METTL9: variants seen among roughly 807,000 people sequenced by gnomAD.
METTL9 encodes protein-L-histidine N-pros-methyltransferase.
A neutral mutation model predicts 36.0 loss-of-function variants in METTL9; 10 were observed. The observed-to-expected ratio is 0.28, with a 90% confidence interval of 0.17 to 0.47. METTL9 has a LOEUF of 0.47. Ranked by LOEUF, METTL9 falls within the 20% of genes least tolerant of loss-of-function variation. The pLI is 0.99. For synonymous variants in METTL9, 175 were observed against 149.7 expected (o/e 1.17, Z -1.23); for missense variants, 246 against 383.5 (o/e 0.64, Z 3.00).
chr16:21,655,495 T>G lies in METTL9; in HGVS notation c.*63T>G. 7.1e-7 allele frequency: 1 copy of G among 1,413,768 alleles called. No homozygotes were observed. The highest frequency in any genetic ancestry group is 9.8e-7 in the Non-Finnish European group (1 of 1,022,884). The allele number at this position is 1,413,768 out of a possible 1,614,324, so 87.6% of individuals were successfully genotyped here. A position where few individuals can be genotyped will look rare whatever the true frequency, so the allele number is the denominator to read the frequency against. ...CGGGATGTGCCCTTGGAAGAGGGTCTGTGTTCACAATTACGTGAAGGGAGG... is the reference window on the plus strand; with the variant it reads ...CGGGATGTGCCCTTGGAAGAGGGTCGGTGTTCACAATTACGTGAAGGGAGG... On this transcript the variant is annotated 3_prime_UTR_variant, in exon 5 of 5. Transcript: ENST00000358154.
Position 21,599,787 on chromosome 16 carries a change from G to T in METTL9, c.54G>T (p.Ala18=). ...TGAGCCTGGCGTCCGTGTGGCTGGC[G>T]CGGAGGATGTGGACGCTGCGGAGCC... ...LCLSLASVWL[A]RRMWTLRSPL... Residue 18 remains alanine (A), a synonymous_variant, in exon 1 of 5, where the codon GCG becomes GCT. Transcript: ENST00000358154. The surrounding 1 kb of genome is among the most constrained non-coding windows in gnomAD (Gnocchi z 4.4). 1 of 1,549,166 alleles carries T rather than the reference G, an allele frequency of 6.5e-7. No homozygotes were observed. The highest frequency in any genetic ancestry group is 1.2e-5 in the South Asian group (1 of 84,580).
At chr16:21,615,640 G>A (rs1241050981) in intron 2 of METTL9, among the ~76,000 whole-genome samples, 7 of 152,114 alleles carry the variant, frequency 4.6e-5, no homozygotes, top group Admixed American at 2.0e-4. Flanking sequence ...ACATCCCAAG[G>A]AGATGGCTTG....
chr16:21,649,743 C>T (rs941950894), intron 4 of METTL9, among the ~76,000 whole-genome samples: 7 of 152,146 alleles, frequency 4.6e-5, no homozygotes, highest in Admixed American at 1.3e-4. Flanking sequence ...CCCACTGTGT[C>T]GCCCAAACTG....
At chr16:21,602,357 C>T (rs1965155669) in intron 1 of METTL9, among the ~76,000 whole-genome samples, 2 of 152,160 alleles carry the variant, frequency 1.3e-5, no homozygotes, top group Non-Finnish European at 2.9e-5. Context: ...TTTGGAGAGG[C>T]AAGGCTCCTT....
chr16:21,619,570 G>A (rs1965640875), intron 3 of METTL9, among the ~76,000 whole-genome samples: 1 of 150,152 alleles, frequency 6.7e-6, no homozygotes, highest in African/African-American at 2.4e-5. Flanking sequence ...ACAGGCACAT[G>A]CCACTATGCC....
At chr16:21,637,813 A>T (rs1271503644) in intron 4 of METTL9, among the ~76,000 whole-genome samples, 1 of 152,230 alleles carries the variant, frequency 6.6e-6, no homozygotes, top group Non-Finnish European at 1.5e-5. Flanking sequence ...TCCCCACAGC[A>T]CAGCGGCGGG....
chr16:21,644,387 A>G, intron 4 of METTL9: 1 of 1,611,270 alleles, frequency 6.2e-7, no homozygotes, highest in Non-Finnish European at 8.5e-7. Flanking sequence ...CTTGCTGAGC[A>G]GCTTAATTTC....
At chr16:21,643,779 C>T (rs1200069855) in intron 4 of METTL9, among the ~76,000 whole-genome samples, 1 of 152,124 alleles carries the variant, frequency 6.6e-6, no homozygotes, top group Non-Finnish European at 1.5e-5. Context: ...AACAAACTGA[C>T]GTTGATTGTA....
chr16:21,637,154 C>G (rs1212406616), intron 4 of METTL9, among the ~76,000 whole-genome samples: 1 of 152,172 alleles, frequency 6.6e-6, no homozygotes, highest in East Asian at 1.9e-4. Context: ...TGTTGGCCTG[C>G]TTTTATTCCC....
chr16:21,639,549 G>GT (rs772359251), intron 4 of METTL9: 6 of 152,178 alleles, frequency 3.9e-5, no homozygotes, highest in Non-Finnish European at 8.8e-5. Context: ...ACACAAGACA[G>GT]TTTATTTTGG....
intron 4 of METTL9, among the ~76,000 whole-genome samples, chr16:21,627,912 C>T (rs1326549512): frequency 2.0e-5 from 3 of 152,150 alleles, no homozygotes; most frequent in African/African-American, 4.8e-5. Context: ...GAGATTGCAC[C>T]ACTGCACTCC....
At position 21,599,725 on chromosome 16, in the gene METTL9, CG is replaced by C; in HGVS notation, c.-7del. ...CGGCGGTGATCCGAGCGAGCGGCCG[CG>C]GCCCCCGATGAGACTGCTGGCGGGC... On this transcript the variant is annotated 5_prime_UTR_variant, in exon 1 of 5. Transcript: ENST00000358154. This position sits in a 1 kb window ranked among gnomAD's most constrained non-coding sequence, Gnocchi z 4.4. The C allele has an allele frequency of 6.7e-7, 1 of 1,493,744 alleles. No homozygotes were observed. Among genetic ancestry groups the C allele is most frequent in the Non-Finnish European group, 8.9e-7 (1 of 1,128,706 alleles). 92.5% of individuals were successfully genotyped at this position (1,493,744 alleles called of 1,614,324 possible).
rs1965048360 is a variant in METTL9 at position 21,599,668 on chromosome 16, G to C, written c.-66G>C. On this transcript the variant is annotated 5_prime_UTR_variant, in exon 1 of 5. Coordinates refer to ENST00000358154, the MANE Select transcript of METTL9 (RefSeq NM_016025.5). This position sits in a 1 kb window ranked among gnomAD's most constrained non-coding sequence, Gnocchi z 4.4. ...CGGGCGGTGGCGGCGGTGGCCGGAGGCGGCGGTGCCTCCTCCTCCTCGCCC... is the reference window on the plus strand; with the variant it reads ...CGGGCGGTGGCGGCGGTGGCCGGAGCCGGCGGTGCCTCCTCCTCCTCGCCC... The C allele has an allele frequency of 7.3e-7, 1 of 1,360,894 alleles. No individual in the cohort carries two copies. Among genetic ancestry groups the C allele is most frequent in the African/African-American group, 1.5e-5 (1 of 65,022 alleles). The allele number at this position is 1,360,894 out of a possible 1,614,324, so 84.3% of individuals were successfully genotyped here.
chr16:21,618,111 AAAGTATATTATTTAAAG>A, intron 3 of METTL9, 37 bp downstream of exon 3: 2 of 1,379,536 alleles, frequency 1.4e-6, no homozygotes, highest in Non-Finnish European at 2.0e-6. Context: ...TTTCTTCTTG[AAAGTATATTATTTAAAG>A]GATATGAATA....
At chr16:21,650,186 G>A (rs1015887612) in intron 4 of METTL9, among the ~76,000 whole-genome samples, 4 of 151,912 alleles carry the variant, frequency 2.6e-5, no homozygotes, top group Non-Finnish European at 5.9e-5. Flanking sequence ...CTCCAGCCTG[G>A]GCAGCATTGT....
intron 4 of METTL9, chr16:21,641,386 T>A: frequency 2.1e-6 from 1 of 475,298 alleles, no homozygotes; most frequent in Non-Finnish European, 3.8e-6. Context: ...AGTTATAGTT[T>A]CCTTACATTC....
At chr16:21,610,050 G>T (rs1048307840) in intron 1 of METTL9, among the ~76,000 whole-genome samples, 6 of 152,162 alleles carry the variant, frequency 3.9e-5, no homozygotes, top group Admixed American at 1.3e-4. Context: ...TTGATTTTTA[G>T]TATAATCACA....
chr16:21,650,508 CA>C (rs3046229), intron 4 of METTL9, among the ~76,000 whole-genome samples: 4,042 of 89,924 alleles, frequency 0.045, 52 homozygotes, highest in Non-Finnish European at 0.06. Flanking sequence ...ACTCTTGTCT[CA>C]AAAAAAAAAA....
chr16:21,618,658 A>G (rs1412219896), intron 3 of METTL9, among the ~76,000 whole-genome samples: 1 of 152,174 alleles, frequency 6.6e-6, no homozygotes, highest in East Asian at 1.9e-4. Context: ...CGCATGTAGC[A>G]TAATGTCTTC....
Sources: allele counts gnomAD v4.1 joint callset (sites outside exome capture counted in the v4.1 genomes callset), GRCh38; gene constraint gnomAD v4.1.1; non-coding constraint Gnocchi (gnomAD v3.1); transcripts MANE v1.5; gene names NCBI Gene and HGNC (gene_info 2026-07-23, HGNC 2026-07-21).